MORN1: variants seen among roughly 807,000 people sequenced by gnomAD.
MORN1 encodes the protein MORN repeat containing 1, also known as MORN repeat-containing protein 1.
In MORN1, 67 loss-of-function variants were observed where a neutral mutation model predicts 61.9. The ratio of observed to expected loss-of-function variants is 1.08; its 90% CI spans 0.89 to 1.33. The LOEUF is 1.33. Among genes scored for constraint, MORN1 ranks in the 40% most tolerant of loss-of-function variants. MORN1 has a pLI of 0.00. For missense variants in MORN1, 752 were observed against 691.2 expected, an observed-to-expected ratio of 1.09 and a Z score of -0.99; for synonymous variants, 301 against 292.0, an observed-to-expected ratio of 1.03 and a Z score of -0.31.
chr1:2,329,570 C>T (rs1641104087), intron 12 of MORN1, among the ~76,000 whole-genome samples: 1 of 152,198 alleles, frequency 6.6e-6, no homozygotes, highest in African/African-American at 2.4e-5. Flanking sequence ...CAGGTGCAGC[C>T]TGAGACCCAC....
intron 12 of MORN1, among the ~76,000 whole-genome samples, chr1:2,329,827 A>G (rs1376619303): frequency 2.0e-5 from 3 of 152,218 alleles, no homozygotes; most frequent in African/African-American, 7.2e-5. Flanking sequence ...TACAGCGTGG[A>G]GGAGGCACCA....
intron 8 of MORN1, among the ~76,000 whole-genome samples, chr1:2,367,508 C>CT (rs527529061): frequency 3.6e-4 from 54 of 151,736 alleles, no homozygotes; most frequent in Non-Finnish European, 6.8e-4. Flanking sequence ...AAAGAATACT[C>CT]TTTTTAACAA....
intron 12 of MORN1, among the ~76,000 whole-genome samples, chr1:2,336,027 G>A (rs1036789898): frequency 9.5e-4 from 144 of 152,196 alleles, no homozygotes; most frequent in Middle Eastern, 3.4e-3. Flanking sequence ...AACCCCCCAC[G>A]GTGTCCCCGC....
chr1:2,336,518 G>T lies in MORN1; in HGVS notation c.1201C>A (p.His401Asn). 3 of 1,612,730 alleles carry T rather than the reference G, an allele frequency of 1.9e-6. No homozygotes were observed. The highest frequency in any genetic ancestry group is 2.5e-6 in the Non-Finnish European group (3 of 1,179,766). The change falls in exon 12 of 14, where the codon CAC (histidine) becomes AAC (asparagine). Residue 401 changes from histidine to asparagine, a missense_variant. Physicochemically the swap from His to Asn is moderately conservative, Grantham distance 68. Transcript: ENST00000378531. ...GCCGTGGGTGGTGTCCCCCTGGGGTGCAGGCCGCCTCTGGATCTGCCGCCT... is the reference window on the plus strand; with the variant it reads ...GCCGTGGGTGGTGTCCCCCTGGGGTTCAGGCCGCCTCTGGATCTGCCGCCT... ...KAGGRSRGGL[H>N]PRGTPPTAQE... is the part of the protein sequence containing the mutation.
intron 12 of MORN1, among the ~76,000 whole-genome samples, chr1:2,333,649 C>T (rs558243532): frequency 9.2e-5 from 14 of 152,326 alleles, no homozygotes; most frequent in Middle Eastern, 6.8e-3. Flanking sequence ...CGCTGAGAGC[C>T]GGCCCTTGCC....
intron 13 of MORN1, chr1:2,322,650 G>A (rs1171225697): frequency 1.0e-6 from 1 of 985,368 alleles, no homozygotes; most frequent in African/African-American, 1.7e-5. Flanking sequence ...ACCGGGGACA[G>A]CCTCCCTGGC....
intron 6 of MORN1, chr1:2,374,885 A>C: frequency 1.1e-5 from 3 of 270,004 alleles, no homozygotes; most frequent in Non-Finnish European, 2.1e-5. Flanking sequence ...TTTTAATACA[A>C]AGATATTGTG....
chr1:2,378,835 T>C (rs1642305776), intron 6 of MORN1: 3 of 434,512 alleles, frequency 6.9e-6, no homozygotes, highest in Admixed American at 2.6e-5. Context: ...CGGAGATGGC[T>C]GAGGCGTCAC....
In MORN1 at chr1:2,324,502, C is replaced by T. The variant is rs563450827; in HGVS notation, c.1251-359G>A. 3.3e-5 allele frequency among the ~76,000 whole-genome samples: 5 copies of T among 152,354 alleles called. No homozygotes were observed. In the East Asian group the frequency reaches 9.6e-4, roughly 29 times the overall value. ...AGAAGATCCCGGAGGGCGGGAAAGA[C>T]CCTGAGCCCCTGAGAGACGGCGAGG... On this transcript the variant is annotated intron_variant, in intron 12 of 13. Coordinates refer to ENST00000378531, the MANE Select transcript of MORN1 (RefSeq NM_024848.3).
Position 2,364,119 on chromosome 1 carries a change from G to A in MORN1, c.746-5404C>T, listed in dbSNP as rs75331337. Among the ~76,000 whole-genome samples, 402 of 152,214 alleles carry A rather than the reference G, an allele frequency of 2.6e-3. 17 individuals carry two copies. In the East Asian group the frequency reaches 0.072, roughly 27 times the overall value. ...AAAAGGATGGATAGAGCTACACCAT[G>A]CTAATGCTAGTCAAAAGAAATAAAA... On this transcript the variant is annotated intron_variant, in intron 8 of 13. Transcript: ENST00000378531.
At chr1:2,387,356 C>T (rs1291210460) in intron 4 of MORN1, 63 bp downstream of exon 4, 17 of 1,223,052 alleles carry the variant, frequency 1.4e-5, no homozygotes, top group South Asian at 9.6e-5. Flanking sequence ...CCCAAGTGGA[C>T]GTAGGATTCC....
chr1:2,366,222 C>T (rs1315759411), intron 8 of MORN1, among the ~76,000 whole-genome samples: 2 of 149,796 alleles, frequency 1.3e-5, no homozygotes, highest in African/African-American at 4.9e-5. Context: ...TAAACTATCG[C>T]AAGAACAAAA....
rs1273908386 is a variant in MORN1, at chr1:2,357,028, G to A, written c.1036+404C>T. 1.6e-4 allele frequency among the ~76,000 whole-genome samples: 25 copies of A among 152,156 alleles called. No individual in the cohort carries two copies. The highest frequency in any genetic ancestry group is 1.6e-3 in the Admixed American group (25 of 15,284). ...CCCTGACCTCGAGAGAGCAGTCGGC[G>A]CCGCGGCCCCCAGAGCCATGGCCGG... is the stretch of plus-strand genomic sequence containing the variant. On this transcript the variant is annotated intron_variant, in intron 10 of 13. Coordinates refer to ENST00000378531, the MANE Select transcript of MORN1 (RefSeq NM_024848.3). The surrounding 1 kb of genome is among the most constrained non-coding windows in gnomAD (Gnocchi z 6.3).
intron 8 of MORN1, among the ~76,000 whole-genome samples, chr1:2,370,812 G>T (rs1642102271): frequency 6.6e-6 from 1 of 151,728 alleles, no homozygotes; most frequent in South Asian, 2.1e-4. Flanking sequence ...CCGAGTAGCT[G>T]GGACCACACG....
At chr1:2,369,552 C>G (rs185315710) in intron 8 of MORN1, among the ~76,000 whole-genome samples, 155 of 151,986 alleles carry the variant, frequency 1.0e-3, no homozygotes, top group Non-Finnish European at 1.9e-3. Flanking sequence ...AAGGAATCCT[C>G]TAAGAAACTA....
rs184910697 is a variant in MORN1, at chr1:2,371,682, C to T, written c.745+799G>A. The T allele has an allele frequency of 1.6e-3, 245 of 152,710 alleles. 1 individual carries two copies. Among genetic ancestry groups the T allele is most frequent in the Middle Eastern group, 6.8e-3 (2 of 296 alleles). 9.5% of individuals were successfully genotyped at this position (152,710 alleles called of 1,614,324 possible). On this transcript the variant is annotated intron_variant, in intron 8 of 13. Transcript: ENST00000378531. Reference sequence around the variant, plus strand: ...ATCCCAGCACTTTGGGAGGCTGGGGCGGGCTGATCACCTGAGGTCGGGAGT... The same window carrying T: ...ATCCCAGCACTTTGGGAGGCTGGGGTGGGCTGATCACCTGAGGTCGGGAGT...
At chr1:2,380,873 A>G (rs1642355987) in intron 6 of MORN1, among the ~76,000 whole-genome samples, 1 of 152,182 alleles carries the variant, frequency 6.6e-6, no homozygotes, top group Non-Finnish European at 1.5e-5. Flanking sequence ...TGTTTTTTAA[A>G]GCGGGCTAAA....
chr1:2,348,607 G>A (rs562041277), intron 10 of MORN1, among the ~76,000 whole-genome samples: 1 of 145,288 alleles, frequency 6.9e-6, no homozygotes, highest in Non-Finnish European at 1.6e-5. Context: ...GCACATACGT[G>A]CACCTAGGCA....
rs1402256664 is a variant in MORN1, at chr1:2,345,857, AT to A, written c.1037-9008del. Reference sequence around the variant, plus strand: ...CACACACACACACACACACACACAGATGTTTGCTCTTATCTCTATGACGCAC... The same window carrying A: ...CACACACACACACACACACACACAGAGTTTGCTCTTATCTCTATGACGCAC... On this transcript the variant is annotated intron_variant, in intron 10 of 13. Transcript: ENST00000378531. 2.6e-3 allele frequency among the ~76,000 whole-genome samples: 256 copies of A among 99,900 alleles called. 2 individuals carry two copies. Among genetic ancestry groups the A allele is most frequent in the African/African-American group, 7.7e-3 (247 of 32,004 alleles). The allele number at this position is 99,900 out of a possible 152,430, so 65.5% of individuals were successfully genotyped here. A position where few individuals can be genotyped will look rare whatever the true frequency, so the allele number is the denominator to read the frequency against.
Sources: gnomAD v4.1 joint callset for allele counts (sites outside exome capture counted in the v4.1 genomes callset) on GRCh38, gnomAD v4.1.1 for gene constraint, Gnocchi (gnomAD v3.1) non-coding constraint, MANE v1.5 for transcripts, NCBI Gene and HGNC (gene_info 2026-07-23, HGNC 2026-07-21) for gene names.